The following STAB2 variants were observed in gnomAD, a reference collection of about 807,000 sequenced individuals.
STAB2 encodes stabilin 2, also known as stabilin-2.
Under a neutral mutation model 338.1 loss-of-function variants are expected in STAB2, and 288 were observed. The ratio of observed to expected loss-of-function variants is 0.85; its 90% CI spans 0.77 to 0.94. The LOEUF (loss-of-function observed/expected upper bound fraction) is 0.94. Ranked by LOEUF, STAB2 falls within the 40% of genes least tolerant of loss-of-function variation. The probability of loss-of-function intolerance (pLI) is 0.00; values close to 1 mark genes in which losing one functional copy is unlikely to be tolerated. For synonymous variants in STAB2, 1,202 were observed against 1,193.3 expected, an observed-to-expected ratio of 1.01 and a Z score of -0.15; for missense variants, 3,141 against 3,210.1, an observed-to-expected ratio of 0.98 and a Z score of 0.52.
chr12:103,670,566 T>A (rs1402383511), intron 21 of STAB2, 130 bp from the exon 22 acceptor site: 1 of 717,646 alleles, frequency 1.4e-6, no homozygotes, highest in Non-Finnish European at 2.4e-6. Context: ...ATGACTCCAC[T>A]TTCCACGAGG....
At chr12:103,748,504 T>C (rs1651325480) in intron 58 of STAB2, among the ~76,000 whole-genome samples, 1 of 152,184 alleles carries the variant, frequency 6.6e-6, no homozygotes, top group East Asian at 1.9e-4. Flanking sequence ...TCAGTTAAGC[T>C]GAGTCTCAGT....
At chr12:103,595,976 G>A (rs192554227) in intron 3 of STAB2, among the ~76,000 whole-genome samples, 29 of 152,338 alleles carry the variant, frequency 1.9e-4, no homozygotes, top group African/African-American at 6.5e-4. Flanking sequence ...TGGGGTTCAA[G>A]AGATCCTGCC....
At position 103,737,065 on chromosome 12, in the gene STAB2, A is replaced by G. The variant is rs553083574; in HGVS notation, c.5551-569A>G. ...TGTCACTTGTACACCCTGGAAAGAA[A>G]GCCAAACCGGGCACTTTGCTAGGTG... On this transcript the variant is annotated intron_variant, in intron 52 of 68. Coordinates refer to ENST00000388887, the MANE Select transcript of STAB2 (RefSeq NM_017564.10). Among the ~76,000 whole-genome samples, 19 of 152,368 alleles carry G rather than the reference A, an allele frequency of 1.2e-4. No homozygotes were observed. The East Asian group carries it at 3.5e-3, about 28-fold the overall frequency.
chr12:103,629,281 CA>C lies in STAB2; in HGVS notation c.488-2316del, dbSNP rs1184665599. On this transcript the variant is annotated intron_variant, in intron 5 of 68. Transcript: ENST00000388887. ...ATGGAGGAAAAGACAAAAACTAAGCCAGGGAATAATCATGTCTGAACAGAGA... is the reference window on the plus strand; with the variant it reads ...ATGGAGGAAAAGACAAAAACTAAGCCGGGAATAATCATGTCTGAACAGAGA... Among the ~76,000 whole-genome samples, 4 of 152,236 alleles carry C rather than the reference CA, an allele frequency of 2.6e-5. No homozygotes were observed. In the East Asian group the frequency reaches 5.8e-4, roughly 22 times the overall value.
chr12:103,665,442 G>T (rs565213784), intron 18 of STAB2, among the ~76,000 whole-genome samples: 1 of 152,162 alleles, frequency 6.6e-6, no homozygotes, highest in Non-Finnish European at 1.5e-5. Flanking sequence ...CTAAGGAAAC[G>T]AATAAGTTTT....
rs746229716 is a variant in STAB2, at chr12:103,766,369, C to T, written c.*33C>T. Reference sequence around the variant, plus strand: ...GACGGGAGATGCCAGCCATCACTCACTGCCACCTGGGCCATCAACTGTGAA... The same window carrying T: ...GACGGGAGATGCCAGCCATCACTCATTGCCACCTGGGCCATCAACTGTGAA... On this transcript the variant is annotated 3_prime_UTR_variant, in exon 69 of 69. Transcript: ENST00000388887. 1.3e-6 allele frequency: 2 copies of T among 1,588,718 alleles called. No individual in the cohort carries two copies. Among genetic ancestry groups the T allele is most frequent in the Non-Finnish European group, 1.7e-6 (2 of 1,166,356 alleles).
intron 63 of STAB2, among the ~76,000 whole-genome samples, chr12:103,757,030 T>TATATATATATATATAA (rs1368294869): frequency 7.0e-6 from 1 of 143,072 alleles, no homozygotes; most frequent in African/African-American, 2.6e-5. Context: ...TATATATATA[T>TATATATATATATATAA]AAAATATATA....
chr12:103,652,505 A>T (rs1288866664), intron 11 of STAB2, 51 bp from the exon 12 acceptor site: 1 of 1,505,092 alleles, frequency 6.6e-7, no homozygotes, highest in Admixed American at 2.2e-5. Flanking sequence ...CATGTGTTAC[A>T]AAACTCATTT....
chr12:103,608,431 C>T (rs574466579), intron 3 of STAB2, among the ~76,000 whole-genome samples: 17 of 152,278 alleles, frequency 1.1e-4, no homozygotes, highest in South Asian at 6.2e-4. Flanking sequence ...CATGAGCCAC[C>T]GCGCCCAGCC....
intron 44 of STAB2, 60 bp downstream of exon 44, chr12:103,717,901 C>T (rs1880455902): frequency 3.8e-6 from 6 of 1,568,308 alleles, no homozygotes; most frequent in Non-Finnish European, 5.3e-6. Flanking sequence ...GCCTCCCACC[C>T]CACTTCTCGG....
chr12:103,649,742 TGGCATCCCTTG>T (rs1222786488), intron 10 of STAB2, among the ~76,000 whole-genome samples: 5 of 152,186 alleles, frequency 3.3e-5, no homozygotes, highest in African/African-American at 1.2e-4. Context: ...CAAGTATTAG[TGGCATCCCTTG>T]GGCTCAGGGG....
intron 5 of STAB2, among the ~76,000 whole-genome samples, chr12:103,627,065 A>C (rs1957391785): frequency 6.6e-6 from 1 of 152,164 alleles, no homozygotes; most frequent in Non-Finnish European, 1.5e-5. Flanking sequence ...GATCCTCACT[A>C]TGACTCTCCA....
intron 23 of STAB2, 81 bp from the exon 24 acceptor site, chr12:103,675,844 AACT>A (rs1185847630): frequency 4.6e-5 from 50 of 1,088,002 alleles, no homozygotes; most frequent in Non-Finnish European, 6.6e-5. Flanking sequence ...TTTGGCCAGG[AACT>A]GGCTCATCTC....
At chr12:103,619,859 T>C (rs533426555) in intron 3 of STAB2, among the ~76,000 whole-genome samples, 2 of 150,880 alleles carry the variant, frequency 1.3e-5, no homozygotes, top group South Asian at 4.2e-4. Context: ...TTCCAAGACC[T>C]TGTACTTGCT....
At chr12:103,738,570 G>A (rs1338613163) in intron 53 of STAB2, among the ~76,000 whole-genome samples, 1 of 152,082 alleles carries the variant, frequency 6.6e-6, no homozygotes, top group African/African-American at 2.4e-5. Context: ...AAATTTTTTG[G>A]ATCCCAGTCA....
chr12:103,600,616 C>T (rs1956939710), intron 3 of STAB2, among the ~76,000 whole-genome samples: 1 of 152,202 alleles, frequency 6.6e-6, no homozygotes, highest in South Asian at 2.1e-4. Context: ...TTTAGGGAGA[C>T]ACAAACATTC....
intron 10 of STAB2, 148 bp downstream of exon 10, chr12:103,648,971 G>A: frequency 1.9e-6 from 2 of 1,058,918 alleles, no homozygotes; most frequent in East Asian, 2.5e-5. Context: ...GAGGGAAAGG[G>A]CAGGCAGCTG....
intron 25 of STAB2, among the ~76,000 whole-genome samples, chr12:103,681,677 A>C (rs1470539946): frequency 7.4e-6 from 1 of 134,842 alleles, no homozygotes; most frequent in East Asian, 2.2e-4. Context: ...GCTGGAGTGC[A>C]ATGGTGCGAT....
intron 54 of STAB2, 132 bp downstream of exon 54, chr12:103,739,600 AATTT>A: frequency 1.4e-6 from 1 of 708,442 alleles, no homozygotes; most frequent in Non-Finnish European, 2.0e-6. Context: ...GCATAAATGT[AATTT>A]ATGTCATTCT....
Sources: allele counts gnomAD v4.1 joint callset (sites outside exome capture counted in the v4.1 genomes callset), GRCh38; gene constraint gnomAD v4.1.1; transcripts MANE v1.5; gene names NCBI Gene and HGNC (gene_info 2026-07-23, HGNC 2026-07-21).